Variants in ARID2 observed in about 807,000 individuals in gnomAD.
The protein encoded by ARID2 is AT-rich interactive domain-containing protein 2.
A neutral mutation model predicts 184.6 loss-of-function variants in ARID2; 32 were observed. The ratio of observed to expected loss-of-function variants is 0.17; its 90% CI spans 0.13 to 0.23. ARID2 has a LOEUF of 0.23. Among genes scored for constraint, ARID2 ranks in the 10% least tolerant of loss-of-function variants. The pLI is 1.00. For synonymous variants in ARID2, 836 were observed against 772.6 expected (o/e 1.08, Z -1.36); for missense variants, 1,696 against 2,197.6 (o/e 0.77, Z 4.56).
intron 11 of ARID2, chr12:45,841,671 T>A (rs1943344131): frequency 6.6e-6 from 1 of 152,242 alleles, no homozygotes; most frequent in South Asian, 2.1e-4. Flanking sequence ...TGATGTATAT[T>A]AAACTACATT....
At chr12:45,746,763 C>T (rs1328004218) in intron 3 of ARID2, among the ~76,000 whole-genome samples, 1 of 151,920 alleles carries the variant, frequency 6.6e-6, no homozygotes, top group Non-Finnish European at 1.5e-5. Context: ...ACAGTAAGTT[C>T]TGGATCTAGT....
intron 20 of ARID2, among the ~76,000 whole-genome samples, chr12:45,895,506 G>T (rs1044243221): frequency 6.6e-6 from 1 of 152,140 alleles, no homozygotes; most frequent in African/African-American, 2.4e-5. Flanking sequence ...TGATAGACAG[G>T]TGGTGGGAAA....
chr12:45,770,536 C>T (rs554050243), intron 3 of ARID2, among the ~76,000 whole-genome samples: 107 of 152,226 alleles, frequency 7.0e-4, no homozygotes, highest in Non-Finnish European at 9.4e-4. Flanking sequence ...GTCCCCCATC[C>T]GAGAAGAATG....
At chr12:45,731,851 T>C (rs1317032057) in intron 3 of ARID2, among the ~76,000 whole-genome samples, 1 of 152,060 alleles carries the variant, frequency 6.6e-6, no homozygotes, top group South Asian at 2.1e-4. Flanking sequence ...GTTTTGATAA[T>C]TACTTTTTGT....
At chr12:45,881,267 C>T (rs1944094371) in intron 16 of ARID2, 2 of 156,338 alleles carry the variant, frequency 1.3e-5, no homozygotes, top group Admixed American at 6.5e-5. Context: ...AGAAGCTTCT[C>T]TTTTGCCCAG....
chr12:45,860,350 T>C (rs1943721917), intron 15 of ARID2, among the ~76,000 whole-genome samples: 1 of 152,212 alleles, frequency 6.6e-6, no homozygotes, highest in Admixed American at 6.5e-5. Flanking sequence ...AAAATTTTCA[T>C]TGCTTTTTAC....
At position 45,850,643 on chromosome 12, in the gene ARID2, C is replaced by T. The variant is rs1232961172; in HGVS notation, c.2520C>T (p.Ser840=). ...CATCTCAACAGACATCAGCTGGTAG[C>T]CAGTCACAAGATACTGTTATCATAG... is the stretch of plus-strand genomic sequence containing the variant. ...QTSSQQTSAG[S]QSQDTVIIAP... The change falls in exon 15 of 21, where the codon AGC becomes AGT. Residue 840 remains serine, a synonymous_variant. Coordinates refer to ENST00000334344, the MANE Select transcript of ARID2 (RefSeq NM_152641.4). 1 of 1,614,100 alleles carries T rather than the reference C, an allele frequency of 6.2e-7. No individual in the cohort carries two copies. The highest frequency in any genetic ancestry group is 8.5e-7 in the Non-Finnish European group (1 of 1,179,996).
intron 11 of ARID2, chr12:45,840,707 A>C (rs1943328337): frequency 6.6e-6 from 1 of 152,120 alleles, no homozygotes; most frequent in Non-Finnish European, 1.5e-5. Context: ...AACTCTCATC[A>C]TCTCTAGCTA....
chr12:45,766,990 A>G (rs1489480053), intron 3 of ARID2, among the ~76,000 whole-genome samples: 2 of 152,032 alleles, frequency 1.3e-5, no homozygotes, highest in African/African-American at 4.8e-5. Context: ...AAAAACAACA[A>G]CAATAACAAA....
intron 3 of ARID2, among the ~76,000 whole-genome samples, chr12:45,765,716 G>A (rs2138016123): frequency 6.6e-6 from 1 of 152,102 alleles, no homozygotes; most frequent in Admixed American, 6.5e-5. Flanking sequence ...TTTTTGAATT[G>A]TATAAAGTAT....
chr12:45,864,285 T>A (rs1296406808), intron 16 of ARID2, among the ~76,000 whole-genome samples: 1 of 152,130 alleles, frequency 6.6e-6, no homozygotes, highest in East Asian at 1.9e-4. Flanking sequence ...TAGATATAAA[T>A]ACTATATACC....
intron 16 of ARID2, chr12:45,874,392 T>C: frequency 5.3e-6 from 1 of 189,688 alleles, no homozygotes; most frequent in South Asian, 1.1e-4. Context: ...ATCAACTAAG[T>C]TTATGTAATA....
chr12:45,846,665 A>AG (rs767791453), intron 11 of ARID2, among the ~76,000 whole-genome samples, 191 bp from the exon 12 acceptor site: 6 of 152,118 alleles, frequency 3.9e-5, no homozygotes, highest in Non-Finnish European at 7.4e-5. Flanking sequence ...GAATCCTCTA[A>AG]GACAGTGCCT....
At chr12:45,859,869 G>T (rs1419988574) in intron 15 of ARID2, among the ~76,000 whole-genome samples, 2 of 152,148 alleles carry the variant, frequency 1.3e-5, no homozygotes, top group Admixed American at 1.3e-4. Context: ...AAGTAGCTGG[G>T]ATTACAGGCG....
chr12:45,866,619 G>A (rs1422440167), intron 16 of ARID2, among the ~76,000 whole-genome samples: 1 of 152,092 alleles, frequency 6.6e-6, no homozygotes, highest in Non-Finnish European at 1.5e-5. Flanking sequence ...AAAACTGAGG[G>A]GAAATTTCTT....
intron 16 of ARID2, among the ~76,000 whole-genome samples, chr12:45,884,394 TCAAA>T (rs535656807): frequency 6.2e-4 from 95 of 152,064 alleles, no homozygotes; most frequent in East Asian, 1.5e-3. Flanking sequence ...AGATTCTGTC[TCAAA>T]CAAACAAACA....
chr12:45,737,950 A>C (rs1198230256), intron 3 of ARID2, among the ~76,000 whole-genome samples: 2 of 152,204 alleles, frequency 1.3e-5, no homozygotes, highest in Non-Finnish European at 2.9e-5. Flanking sequence ...TTAAGGGAAA[A>C]AAAGAGTAAA....
intron 16 of ARID2, among the ~76,000 whole-genome samples, chr12:45,879,099 TG>T (rs1454786138): frequency 6.6e-6 from 1 of 152,158 alleles, no homozygotes; most frequent in East Asian, 1.9e-4. Flanking sequence ...GGTAAGGTAA[TG>T]GGGAGGTGAA....
chr12:45,870,210 G>A (rs1344815360), intron 16 of ARID2, among the ~76,000 whole-genome samples: 4 of 151,920 alleles, frequency 2.6e-5, no homozygotes, highest in Non-Finnish European at 4.4e-5. Flanking sequence ...GGATGGTCTC[G>A]ATCTCCTGAC....
Sources: gnomAD v4.1 joint callset for allele counts (sites outside exome capture counted in the v4.1 genomes callset) on GRCh38, gnomAD v4.1.1 for gene constraint, MANE v1.5 for transcripts, NCBI Gene and HGNC (gene_info 2026-07-23, HGNC 2026-07-21) for gene names.